RUNX1T1: variants seen among roughly 807,000 people sequenced by gnomAD.
The protein encoded by RUNX1T1 is RUNX1 partner transcriptional co-repressor 1.
RUNX1T1 carries 4 observed loss-of-function variants against 62.8 expected under a neutral mutation model. That is an observed-to-expected ratio of 0.06 (90% CI 0.03 to 0.15). The LOEUF is 0.15. Ranked by LOEUF, RUNX1T1 falls within the 10% of genes least tolerant of loss-of-function variation. The pLI, the probability that RUNX1T1 is intolerant of heterozygous loss-of-function variation, is 1.00. For synonymous variants in RUNX1T1, 291 were observed against 286.0 expected, an observed-to-expected ratio of 1.02 and a Z score of -0.18; for missense variants, 508 against 754.3, an observed-to-expected ratio of 0.67 and a Z score of 3.82.
intron 1 of RUNX1T1, among the ~76,000 whole-genome samples, chr8:92,019,328 T>G (rs1303076690): frequency 6.6e-6 from 1 of 152,132 alleles, no homozygotes; most frequent in East Asian, 1.9e-4. Flanking sequence ...GTTTTCATTC[T>G]GCTAACACTC....
chr8:92,019,459 C>T (rs2131191765), intron 1 of RUNX1T1, among the ~76,000 whole-genome samples: 1 of 151,786 alleles, frequency 6.6e-6, no homozygotes, highest in Non-Finnish European at 1.5e-5. Context: ...ATAAATAAAG[C>T]AATAGGAGGA....
intron 10 of RUNX1T1, among the ~76,000 whole-genome samples, chr8:91,964,331 G>A (rs1220686366): frequency 2.0e-5 from 3 of 152,108 alleles, no homozygotes; most frequent in Non-Finnish European, 2.9e-5. Flanking sequence ...TTTTGTCTCT[G>A]AACTGCTTTA....
chr8:91,978,217 A>G (rs547681296), intron 8 of RUNX1T1, among the ~76,000 whole-genome samples: 1 of 152,342 alleles, frequency 6.6e-6, no homozygotes, highest in Non-Finnish European at 1.5e-5. Flanking sequence ...AGTTAGTTCT[A>G]GCACCCAGTG....
At chr8:92,053,095 G>A (rs1385269820) in intron 1 of RUNX1T1, among the ~76,000 whole-genome samples, 1 of 151,668 alleles carries the variant, frequency 6.6e-6, no homozygotes, top group East Asian at 1.9e-4. Flanking sequence ...ATGATAAAAG[G>A]GCAGAAACAT....
At chr8:92,038,681 C>A (rs1265798671) in intron 1 of RUNX1T1, among the ~76,000 whole-genome samples, 2 of 152,158 alleles carry the variant, frequency 1.3e-5, no homozygotes, top group Non-Finnish European at 2.9e-5. Flanking sequence ...CATCTCAATT[C>A]TCCAGCCAAA....
chr8:92,098,753 C>T (rs1348144850), intron 1 of RUNX1T1, among the ~76,000 whole-genome samples: 1 of 152,158 alleles, frequency 6.6e-6, no homozygotes, highest in Non-Finnish European at 1.5e-5. Flanking sequence ...AATTTCATTT[C>T]TTTGGCCCTA....
At chr8:91,975,930 C>A (rs369212034) in exon 9 of RUNX1T1, 2 of 1,613,058 alleles carry the variant, frequency 1.2e-6, no homozygotes, top group Admixed American at 3.3e-5. Context: ...TCTCCTCTGG[C>A]ACGTATCCAG....
exon 11 of RUNX1T1, chr8:91,960,084 C>G: frequency 1.4e-6 from 1 of 733,900 alleles, no homozygotes; most frequent in Non-Finnish European, 2.2e-6. Context: ...TTACTACCAC[C>G]TCAAGATACA....
At chr8:92,009,631 A>G (rs1821549929) in intron 4 of RUNX1T1, 2 of 147,252 alleles carry the variant, frequency 1.4e-5, no homozygotes, top group South Asian at 4.3e-4. Context: ...CACAGAAACC[A>G]GTGGTATTTG....
chr8:91,957,670 GATT>G (rs1809581645), downstream of RUNX1T1: 1 of 227,040 alleles, frequency 4.4e-6, no homozygotes, highest in African/African-American at 2.2e-5. Context: ...TCATTTTTGG[GATT>G]ATTTAACCCT....
chr8:92,095,319 G>C (rs1837626294), intron 1 of RUNX1T1: 2 of 1,526,508 alleles, frequency 1.3e-6, no homozygotes, highest in African/African-American at 1.4e-5. Context: ...CTCCCTGCTC[G>C]CCTCCCTCCC....
chr8:91,993,186 C>T (rs1227478002), intron 5 of RUNX1T1, among the ~76,000 whole-genome samples: 1 of 152,098 alleles, frequency 6.6e-6, no homozygotes, highest in African/African-American at 2.4e-5. Context: ...TCTACTTTCC[C>T]GGCATCTAGT....
chr8:92,012,880 T>C (rs1822246020), intron 3 of RUNX1T1, among the ~76,000 whole-genome samples: 1 of 152,186 alleles, frequency 6.6e-6, no homozygotes, highest in East Asian at 1.9e-4. Flanking sequence ...CAAGTTATAA[T>C]GAATTAATGT....
chr8:92,095,091 C>T (rs1378802522), intron 1 of RUNX1T1: 2 of 1,535,584 alleles, frequency 1.3e-6, no homozygotes, highest in South Asian at 1.2e-5. Flanking sequence ...GGGGTAGATG[C>T]CTCCTCCTCA....
chr8:92,016,086 T>G (rs1822937321), intron 2 of RUNX1T1, among the ~76,000 whole-genome samples: 1 of 152,220 alleles, frequency 6.6e-6, no homozygotes, highest in African/African-American at 2.4e-5. Flanking sequence ...TTTTAGTTAT[T>G]TTTCATTCAT....
intron 1 of RUNX1T1, chr8:92,017,664 T>C: frequency 6.4e-6 from 8 of 1,255,480 alleles, no homozygotes; most frequent in South Asian, 1.8e-5. Context: ...CACTGGAAGC[T>C]GAAGCCAATG....
At chr8:92,060,559 G>A (rs1442174494) in intron 1 of RUNX1T1, among the ~76,000 whole-genome samples, 71 of 117,904 alleles carry the variant, frequency 6.0e-4, no homozygotes, top group Admixed American at 1.0e-3. Context: ...ATATATGTGT[G>A]TGTGTGTGTG....
chr8:91,981,137 C>G (rs766978753), intron 8 of RUNX1T1, among the ~76,000 whole-genome samples: 1 of 152,032 alleles, frequency 6.6e-6, no homozygotes, highest in East Asian at 1.9e-4. Context: ...AACTGAAGCA[C>G]AAAGAGATTA....
At chr8:91,978,125 A>C (rs185245330) in intron 8 of RUNX1T1, among the ~76,000 whole-genome samples, 1 of 152,308 alleles carries the variant, frequency 6.6e-6, no homozygotes, top group Non-Finnish European at 1.5e-5. Flanking sequence ...ATGATAAAGA[A>C]CAGGAAAGGT....
Sources: allele counts gnomAD v4.1 joint callset (sites outside exome capture counted in the v4.1 genomes callset), GRCh38; gene constraint gnomAD v4.1.1; transcripts MANE v1.5; gene names NCBI Gene and HGNC (gene_info 2026-07-23, HGNC 2026-07-21).